The following TNN variants were observed in gnomAD, a reference collection of about 807,000 sequenced individuals.
TNN encodes the protein tenascin N, also known as tenascin-N.
In TNN, 122 loss-of-function variants were observed where a neutral mutation model predicts 134.4. The ratio of observed to expected loss-of-function variants is 0.91; its 90% CI spans 0.78 to 1.06. The LOEUF (loss-of-function observed/expected upper bound fraction) is 1.06. Among genes scored for constraint, TNN ranks in the 50% least tolerant of loss-of-function variants. The pLI, the probability that TNN is intolerant of heterozygous loss-of-function variation, is 0.00. For synonymous variants in TNN, 710 were observed against 670.3 expected (o/e 1.06, Z -0.91); for missense variants, 1,739 against 1,699.4 (o/e 1.02, Z -0.41).
At chr1:175,135,745 G>A in intron 15 of TNN, 100 bp from the exon 16 acceptor site, 1 of 856,004 alleles carries the variant, frequency 1.2e-6, no homozygotes, top group Non-Finnish European at 2.0e-6. Flanking sequence ...CTTGCTAGCT[G>A]GAGGAAGGCA....
intron 7 of TNN, among the ~76,000 whole-genome samples, chr1:175,096,938 TCTC>T (rs1245179465): frequency 6.6e-6 from 1 of 152,154 alleles, no homozygotes; most frequent in Non-Finnish European, 1.5e-5. Flanking sequence ...AATTAAAAAG[TCTC>T]CTGGTTCCCT....
At chr1:175,107,605 G>A (rs1167223278) in intron 9 of TNN, among the ~76,000 whole-genome samples, 1 of 145,100 alleles carries the variant, frequency 6.9e-6, no homozygotes. Context: ...TGCAAAGAGC[G>A]AAAGAACAAA....
chr1:175,108,126 C>A (rs902717135), intron 9 of TNN, among the ~76,000 whole-genome samples: 4 of 152,008 alleles, frequency 2.6e-5, no homozygotes, highest in African/African-American at 7.3e-5. Context: ...TTCTCCACAT[C>A]CTCACCAGAG....
At chr1:175,120,154 G>A (rs753038844) in intron 11 of TNN, among the ~76,000 whole-genome samples, 1 of 152,242 alleles carries the variant, frequency 6.6e-6, no homozygotes, top group Non-Finnish European at 1.5e-5. Context: ...TTTCCTTGCA[G>A]TAGGCAGCTG....
chr1:175,085,771 G>A (rs1205542595), intron 6 of TNN, among the ~76,000 whole-genome samples: 1 of 151,034 alleles, frequency 6.6e-6, no homozygotes, highest in Non-Finnish European at 1.5e-5. Flanking sequence ...CTACTCGGGA[G>A]ACTGAGGCAA....
intron 15 of TNN, among the ~76,000 whole-genome samples, chr1:175,129,755 A>C (rs1251739741): frequency 6.6e-6 from 1 of 152,080 alleles, no homozygotes; most frequent in Admixed American, 6.6e-5. Context: ...CCTCCTAATC[A>C]TTGGTCTTCT....
intron 9 of TNN, among the ~76,000 whole-genome samples, chr1:175,101,271 C>T (rs967080031): frequency 2.6e-5 from 4 of 151,944 alleles, no homozygotes; most frequent in Admixed American, 2.0e-4. Context: ...AGCTGCAGAC[C>T]TTCGCGGTGA....
chr1:175,097,381 T>C, intron 7 of TNN, 36 bp from the exon 8 acceptor site: 3 of 1,611,628 alleles, frequency 1.9e-6, no homozygotes, highest in South Asian at 1.1e-5. Context: ...TAGAGGGTGG[T>C]AAAGGCTACA....
chr1:175,124,381 A>G (rs1279211674), intron 12 of TNN, among the ~76,000 whole-genome samples: 1 of 152,180 alleles, frequency 6.6e-6, no homozygotes, highest in Non-Finnish European at 1.5e-5. Flanking sequence ...TTAAAACAAA[A>G]CAAAACAAAA....
At chr1:175,145,156 G>C (rs557884470) in intron 18 of TNN, among the ~76,000 whole-genome samples, 2 of 152,026 alleles carry the variant, frequency 1.3e-5, no homozygotes, top group East Asian at 1.9e-4. Context: ...TCATGTTGGT[G>C]GGGGGTGGTT....
chr1:175,137,804 T>C (rs17302950), intron 17 of TNN, among the ~76,000 whole-genome samples: 2,994 of 152,356 alleles, frequency 0.02, 46 homozygotes, highest in Non-Finnish European at 0.031. Context: ...TACACAGGAA[T>C]GTGTTACCAG....
At position 175,134,462 on chromosome 1, in the gene TNN, T is replaced by C. The variant is rs145601159; in HGVS notation, c.3331-1383T>C. Among the ~76,000 whole-genome samples, 1,230 of 151,810 alleles carry C rather than the reference T, an allele frequency of 8.1e-3. 10 individuals are homozygous for C. Among genetic ancestry groups the C allele is most frequent in the Non-Finnish European group, 0.013 (856 of 67,948 alleles). On this transcript the variant is annotated intron_variant, in intron 15 of 18. Coordinates refer to ENST00000239462, the MANE Select transcript of TNN (RefSeq NM_022093.2). ...TGGGAGGCTGAGGCAGGAGAGTCGCTTGAACCCGGGAGGCGGAGGTTGCAG... is the reference window on the plus strand; with the variant it reads ...TGGGAGGCTGAGGCAGGAGAGTCGCCTGAACCCGGGAGGCGGAGGTTGCAG...
chr1:175,076,711 A>G (rs1271272206), intron 1 of TNN, among the ~76,000 whole-genome samples: 1 of 152,230 alleles, frequency 6.6e-6, no homozygotes, highest in Admixed American at 6.5e-5. Context: ...CGTGGGACTC[A>G]GGACAACTTG....
rs181316670 is a variant in TNN at position 175,106,897 on chromosome 1, G to A, written c.2119+8302G>A. Among the ~76,000 whole-genome samples the A allele has an allele frequency of 9.7e-4, 141 of 146,012 alleles. 16 individuals are homozygous for A. The highest frequency in any genetic ancestry group is 1.3e-3 in the Non-Finnish European group (84 of 65,716). On this transcript the variant is annotated intron_variant, in intron 9 of 18. Transcript: ENST00000239462. ...CCCTTTCCCAGAAAGCTTGACACCC[G>A]TGTCTTTAGTCCGGCGGCCCGCTAG...
intron 6 of TNN, among the ~76,000 whole-genome samples, chr1:175,090,235 A>T (rs1674410337): frequency 6.6e-6 from 1 of 152,178 alleles, no homozygotes; most frequent in African/African-American, 2.4e-5. Flanking sequence ...AAAGTCAATA[A>T]CCTTTTTAGA....
intron 9 of TNN, among the ~76,000 whole-genome samples, chr1:175,112,566 CA>C (rs1169801562): frequency 1.4e-5 from 1 of 71,996 alleles, no homozygotes; most frequent in Non-Finnish European, 2.8e-5. Flanking sequence ...ATAAGTGGGT[CA>C]TTTTTTTAAA....
At chr1:175,090,684 A>T (rs1674424864) in intron 6 of TNN, among the ~76,000 whole-genome samples, 1 of 152,214 alleles carries the variant, frequency 6.6e-6, no homozygotes, top group Non-Finnish European at 1.5e-5. Flanking sequence ...AAAGTGGAAT[A>T]AGCTTTCCTG....
In TNN at chr1:175,135,895, G is replaced by A. The variant is rs1311887871; in HGVS notation, c.3381G>A (p.Arg1127=). ...AGCTGGATTTCTTCAAGCGATGGAG[G>A]AGCTATGTGGAAGGCTTTGGGGACC... ...TGQLDFFKRW[R]SYVEGFGDPM... is the part of the protein sequence containing the mutation. Residue 1127 remains arginine (R), a synonymous_variant, in exon 16 of 19, where the codon AGG becomes AGA. Coordinates refer to ENST00000239462, the MANE Select transcript of TNN (RefSeq NM_022093.2). 2 of 1,613,954 alleles carry A rather than the reference G, an allele frequency of 1.2e-6. No individual in the cohort carries two copies. The highest frequency in any genetic ancestry group is 2.2e-5 in the South Asian group (2 of 91,076).
intron 1 of TNN, among the ~76,000 whole-genome samples, chr1:175,075,016 T>A (rs537473169): frequency 6.6e-6 from 1 of 152,356 alleles, no homozygotes; most frequent in East Asian, 1.9e-4. Context: ...TGACCTTACA[T>A]GGCAGCTCTG....
Sources: allele counts gnomAD v4.1 joint callset (sites outside exome capture counted in the v4.1 genomes callset), GRCh38; gene constraint gnomAD v4.1.1; transcripts MANE v1.5; gene names NCBI Gene and HGNC (gene_info 2026-07-23, HGNC 2026-07-21).